The following NADK2 variants were observed in gnomAD, a reference collection of about 807,000 sequenced individuals.
The protein encoded by NADK2 is NAD kinase domain-containing protein 1, mitochondrial.
NADK2 carries 35 observed loss-of-function variants against 62.1 expected under a neutral mutation model. The ratio of observed to expected loss-of-function variants is 0.56; its 90% confidence interval spans 0.43 to 0.75. The LOEUF (loss-of-function observed/expected upper bound fraction) is 0.75. Among genes scored for constraint, NADK2 ranks in the 30% least tolerant of loss-of-function variants. The pLI, the probability that NADK2 is intolerant of heterozygous loss-of-function variation, is 0.00. For missense variants in NADK2, 439 were observed against 561.3 expected, an observed-to-expected ratio of 0.78 and a Z score of 2.20; for synonymous variants, 205 against 207.9, an observed-to-expected ratio of 0.99 and a Z score of 0.12.
At chr5:36,210,661 T>C (rs947224823) in intron 7 of NADK2, among the ~76,000 whole-genome samples, 9 of 152,206 alleles carry the variant, frequency 5.9e-5, no homozygotes, top group Non-Finnish European at 2.9e-5. Context: ...TAAGGAAGTG[T>C]TCTTAAATTT....
In NADK2 at chr5:36,215,082, C is replaced by A. The variant is rs147142590; in HGVS notation, c.781+2666G>T. 3.6e-3 allele frequency among the ~76,000 whole-genome samples: 550 copies of A among 152,216 alleles called. 4 individuals carry two copies. The highest frequency in any genetic ancestry group is 0.013 in the African/African-American group (528 of 41,528). ...GAACATCCTCGAATTTTGGTATCTG[C>A]AGAGGGTCCTAGACCCAATCCCCCT... On this transcript the variant is annotated intron_variant, in intron 6 of 11. Transcript: ENST00000381937.
At chr5:36,238,109 A>G (rs1433415499) in intron 1 of NADK2, among the ~76,000 whole-genome samples, 1 of 152,230 alleles carries the variant, frequency 6.6e-6, no homozygotes, top group Non-Finnish European at 1.5e-5. Flanking sequence ...TAATTTGATT[A>G]ACAATCATAT....
intron 7 of NADK2, among the ~76,000 whole-genome samples, chr5:36,208,057 T>C (rs1225369756): frequency 6.6e-6 from 1 of 152,128 alleles, no homozygotes; most frequent in Non-Finnish European, 1.5e-5. Context: ...ACTGAATTTT[T>C]TTCTCCAGCA....
chr5:36,208,595 T>A (rs1282984545), intron 7 of NADK2: 1 of 1,457,898 alleles, frequency 6.9e-7, no homozygotes, highest in Non-Finnish European at 9.2e-7. Flanking sequence ...TTCAGGGAAA[T>A]TATTTTTTTA....
intron 10 of NADK2, among the ~76,000 whole-genome samples, chr5:36,199,804 A>G (rs904075563): frequency 1.3e-5 from 2 of 152,036 alleles, no homozygotes; most frequent in South Asian, 2.1e-4. Flanking sequence ...TCTTACAGGA[A>G]TCGTGAGGTA....
rs1475317701 is a variant in NADK2, at chr5:36,201,140, A to C, written c.978T>G (p.Val326=). The C allele has an allele frequency of 6.2e-7, 1 of 1,612,436 alleles. No homozygotes were observed. The highest frequency in any genetic ancestry group is 2.2e-5 in the East Asian group (1 of 44,850). ...SKAWSFNINR[V]ATQAVEDVLN... The stretch of plus-strand genomic sequence containing the variant: ...AAACATCTTCTACAGCCTGAGTTGC[A>C]ACCCTGTTAATATTGAATGACCTAG... Residue 326 remains valine, a synonymous_variant, in exon 9 of 12, where the codon GTT becomes GTG. Coordinates refer to ENST00000381937, the MANE Select transcript of NADK2 (RefSeq NM_001085411.3).
rs1381313322 is a variant in NADK2, at chr5:36,197,645, T to C, written c.1086A>G (p.Glu362=). The C allele has an allele frequency of 6.3e-7, 1 of 1,575,436 alleles. No homozygotes were observed. Among genetic ancestry groups the C allele is most frequent in the Non-Finnish European group, 8.6e-7 (1 of 1,164,686 alleles). The change falls in exon 11 of 12, where the codon GAA becomes GAG. Residue 362 remains glutamate (E), a synonymous_variant. Coordinates refer to ENST00000381937, the MANE Select transcript of NADK2 (RefSeq NM_001085411.3). ...LVEKVTNEYN[E]SLLYSPEEPK... ...GTTCTTCCGGACTGTAGAGCAGTGA[T>C]TCATTATATTCATTTGTTACTACAA...
chr5:36,239,627 A>T (rs897185713), intron 1 of NADK2, among the ~76,000 whole-genome samples: 1 of 152,174 alleles, frequency 6.6e-6, no homozygotes, highest in African/African-American at 2.4e-5. Flanking sequence ...CTACATTTTA[A>T]AAGTTTTTTT....
At position 36,211,794 on chromosome 5, in the gene NADK2, A is replaced by C. The variant is rs368757636; in HGVS notation, c.860+50T>G. On this transcript the variant is annotated intron_variant, in intron 7 of 11. Coordinates refer to ENST00000381937, the MANE Select transcript of NADK2 (RefSeq NM_001085411.3). ...TTGTAGAAACTGAATAAATATCCAAAAGCACTAAAACATTAAATTCCATGC... is the reference window on the plus strand; with the variant it reads ...TTGTAGAAACTGAATAAATATCCAACAGCACTAAAACATTAAATTCCATGC... 22 of 1,467,444 alleles carry C rather than the reference A, an allele frequency of 1.5e-5. No homozygotes were observed. The African/African-American group carries it at 1.7e-4, about 11-fold the overall frequency. 90.9% of individuals were successfully genotyped at this position (1,467,444 alleles called of 1,614,324 possible).
chr5:36,235,971 T>C (rs1480325484), intron 1 of NADK2, among the ~76,000 whole-genome samples: 1 of 151,724 alleles, frequency 6.6e-6, no homozygotes, highest in Admixed American at 6.6e-5. Context: ...AAATTATATA[T>C]TTCCGTTGTA....
chr5:36,207,229 T>C lies in NADK2; in HGVS notation c.897A>G (p.Pro299=), dbSNP rs1746672976. ...GCCCTGAACTCTTCTGTTTTTCCCA[T>C]GGACCATCATCAACTGAAATCTCAT... is the stretch of plus-strand genomic sequence containing the variant. The part of the protein sequence containing the change: ...SYYEISVDDG[P]WEKQKSSGLN... Residue 299 remains proline, a synonymous_variant, in exon 8 of 12, where the codon CCA becomes CCG. Coordinates refer to ENST00000381937, the MANE Select transcript of NADK2 (RefSeq NM_001085411.3). 6.2e-7 allele frequency: 1 copy of C among 1,613,098 alleles called. No homozygotes were observed. Among genetic ancestry groups the C allele is most frequent in the South Asian group, 1.1e-5 (1 of 91,010 alleles).
chr5:36,231,396 T>A (rs1747704650), intron 1 of NADK2, among the ~76,000 whole-genome samples: 1 of 152,222 alleles, frequency 6.6e-6, no homozygotes, highest in Admixed American at 6.5e-5. Flanking sequence ...AAATTCTTAT[T>A]CCCACTCAAA....
In NADK2 at chr5:36,226,580, A is replaced by C. The variant is rs2112165847; in HGVS notation, c.390-17T>G. Reference sequence around the variant, plus strand: ...CCCTCATTCCTAGGATAAAAAAGGAAAGGTTATATGAAATTTCCACTAATA... The same window carrying C: ...CCCTCATTCCTAGGATAAAAAAGGACAGGTTATATGAAATTTCCACTAATA... On this transcript the variant is annotated splice_polypyrimidine_tract_variant and intron_variant, in intron 2 of 11. Coordinates refer to ENST00000381937, the MANE Select transcript of NADK2 (RefSeq NM_001085411.3). The C allele has an allele frequency of 1.3e-6, 2 of 1,578,342 alleles. No individual in the cohort carries two copies. The highest frequency in any genetic ancestry group is 2.2e-5 in the East Asian group (1 of 44,658).
intron 1 of NADK2, among the ~76,000 whole-genome samples, chr5:36,231,781 AC>A: frequency 6.6e-6 from 1 of 152,346 alleles, no homozygotes; most frequent in South Asian, 2.1e-4. Flanking sequence ...AAATAAGAAC[AC>A]ATGATTTCTT....
intron 6 of NADK2, among the ~76,000 whole-genome samples, chr5:36,214,755 G>C (rs1006489264): frequency 5.9e-5 from 9 of 152,144 alleles, no homozygotes; most frequent in African/African-American, 2.2e-4. Context: ...AAGATGCAGA[G>C]GATCCAACAG....
intron 5 of NADK2, chr5:36,218,160 A>G: frequency 3.6e-6 from 1 of 276,840 alleles, no homozygotes; most frequent in East Asian, 6.5e-5. Flanking sequence ...GAACCCATAA[A>G]GTCCAAGATA....
intron 4 of NADK2, among the ~76,000 whole-genome samples, chr5:36,224,566 A>C (rs536785679): frequency 1.6e-4 from 25 of 151,946 alleles, no homozygotes; most frequent in Non-Finnish European, 3.2e-4. Context: ...CAAAAAAAAA[A>C]AAAAAGAAAG....
intron 1 of NADK2, among the ~76,000 whole-genome samples, chr5:36,237,046 A>T (rs1022194920): frequency 6.6e-6 from 1 of 152,178 alleles, no homozygotes; most frequent in Non-Finnish European, 1.5e-5. Context: ...GTATGGAAAA[A>T]TAAGTCCCCT....
At chr5:36,217,648 G>T in intron 6 of NADK2, 100 bp downstream of exon 6, 2 of 1,083,036 alleles carry the variant, frequency 1.8e-6, no homozygotes, top group East Asian at 2.4e-5. Flanking sequence ...TGCTATTAAT[G>T]ACACTAAAAA....
Sources: gnomAD v4.1 joint callset for allele counts (sites outside exome capture counted in the v4.1 genomes callset) on GRCh38, gnomAD v4.1.1 for gene constraint, MANE v1.5 for transcripts, NCBI Gene and HGNC (gene_info 2026-07-23, HGNC 2026-07-21) for gene names.